The following BRF1 variants were observed in gnomAD, a reference collection of about 807,000 sequenced individuals.
BRF1 encodes the protein BRF1 general transcription factor IIIB subunit.
BRF1 carries 59 observed loss-of-function variants against 81.7 expected under a neutral mutation model. The ratio of observed to expected loss-of-function variants is 0.72; its 90% CI spans 0.59 to 0.90. The LOEUF (loss-of-function observed/expected upper bound fraction) is 0.90, where lower values mean the gene tolerates loss of function less well. Ranked by LOEUF, BRF1 falls within the 40% of genes least tolerant of loss-of-function variation. BRF1 has a pLI of 0.00. For missense variants in BRF1, 1,050 were observed against 936.3 expected, an observed-to-expected ratio of 1.12 and a Z score of -1.58; for synonymous variants, 491 against 395.6, an observed-to-expected ratio of 1.24 and a Z score of -2.86.
upstream of BRF1, among the ~76,000 whole-genome samples, chr14:105,305,433 C>T (rs1422808022): frequency 1.3e-5 from 2 of 151,338 alleles, no homozygotes; most frequent in African/African-American, 2.5e-5. Flanking sequence ...AAAGAAAAAA[C>T]GTGGCTGGAG....
intron 7 of BRF1, chr14:105,227,624 A>C (rs1012566486): frequency 1.3e-5 from 2 of 152,228 alleles, no homozygotes; most frequent in African/African-American, 4.8e-5. Flanking sequence ...GAGAACCCCA[A>C]TCCTAGGCGG....
intron 5 of BRF1, chr14:105,250,765 C>G (rs756492284): frequency 1.6e-5 from 20 of 1,274,776 alleles, no homozygotes; most frequent in Non-Finnish European, 2.1e-5. Context: ...CTGCTCTTAA[C>G]TTTGTCTCTC....
At chr14:105,250,550 C>T (rs1178525807) in intron 5 of BRF1, 3 of 1,613,972 alleles carry the variant, frequency 1.9e-6, no homozygotes, top group East Asian at 2.2e-5. Context: ...CTACTTTGGG[C>T]AGGAGGGGAT....
intron 1 of BRF1, among the ~76,000 whole-genome samples, chr14:105,307,019 G>C (rs1345298343): frequency 6.6e-6 from 1 of 151,920 alleles, no homozygotes. Flanking sequence ...TTGCCTCTGA[G>C]TATGCCTTAT....
intron 8 of BRF1, 76 bp downstream of exon 8, chr14:105,226,558 C>T: frequency 6.3e-7 from 1 of 1,597,924 alleles, no homozygotes; most frequent in African/African-American, 1.3e-5. Context: ...AGCTCTGCTA[C>T]AACCCCAGTC....
At chr14:105,305,168 A>G (rs985470056), upstream of BRF1, among the ~76,000 whole-genome samples, 1 of 152,144 alleles carries the variant, frequency 6.6e-6, no homozygotes, top group Non-Finnish European at 1.5e-5. Context: ...TGGGAGGCTG[A>G]GGAGGGAGGA....
Position 105,210,228 on chromosome 14 carries a change from G to T in BRF1, c.*323C>A. On this transcript the variant is annotated 3_prime_UTR_variant, in exon 18 of 18. Transcript: ENST00000547530. The surrounding 1 kb of genome is among the most constrained non-coding windows in gnomAD (Gnocchi z 4.7). The stretch of plus-strand genomic sequence containing the variant: ...CCAGCAGTGGGGCTGCCCCAAGCCT[G>T]TTTCCTTAATAGTAGCAACACCACA... The T allele has an allele frequency of 2.5e-6, 1 of 396,196 alleles. No homozygotes were observed. Among genetic ancestry groups the T allele is most frequent in the Non-Finnish European group, 4.7e-6 (1 of 212,560 alleles). 24.5% of individuals were successfully genotyped at this position (396,196 alleles called of 1,614,324 possible).
chr14:105,273,185 C>G (rs772139482), intron 2 of BRF1, among the ~76,000 whole-genome samples: 2 of 152,110 alleles, frequency 1.3e-5, no homozygotes, highest in Non-Finnish European at 2.9e-5. Flanking sequence ...CTCTGAGGTG[C>G]GGCGTGTCTG....
chr14:105,259,636 C>CA (rs2056052834), intron 3 of BRF1, among the ~76,000 whole-genome samples: 2 of 152,180 alleles, frequency 1.3e-5, no homozygotes, highest in East Asian at 1.9e-4. Context: ...GTCCACCGGA[C>CA]ACGGGGCTCA....
At chr14:105,282,840 GGA>G (rs1383172018) in intron 2 of BRF1, among the ~76,000 whole-genome samples, 1 of 152,150 alleles carries the variant, frequency 6.6e-6, no homozygotes, top group Non-Finnish European at 1.5e-5. Context: ...GGCTGAGGCA[GGA>G]GAGTAGCTTG....
intron 1 of BRF1, among the ~76,000 whole-genome samples, chr14:105,289,525 T>C (rs587618132): frequency 6.6e-6 from 1 of 152,218 alleles, no homozygotes; most frequent in Admixed American, 6.5e-5. Context: ...TGAGCAGCAC[T>C]GATGAGCCAA....
At chr14:105,249,523 CG>C (rs769158617) in intron 5 of BRF1, 1 of 1,606,122 alleles carries the variant, frequency 6.2e-7, no homozygotes, top group Admixed American at 1.7e-5. Context: ...CCGTTTTAGG[CG>C]GCCTCCGGAG....
chr14:105,279,281 G>A (rs998905628), intron 2 of BRF1, among the ~76,000 whole-genome samples: 7 of 152,174 alleles, frequency 4.6e-5, no homozygotes, highest in Admixed American at 4.6e-4. Context: ...AGCTACAGAC[G>A]TGGGAGGAGG....
At chr14:105,275,774 C>T (rs1218326604) in intron 2 of BRF1, among the ~76,000 whole-genome samples, 6 of 152,254 alleles carry the variant, frequency 3.9e-5, no homozygotes, top group African/African-American at 9.6e-5. Flanking sequence ...CTATCCCCTA[C>T]GGGGATGGTA....
rs113489040 is a variant in BRF1 at position 105,225,879 on chromosome 14, C to G, written c.1048+190G>C. 4.6e-5 allele frequency among the ~76,000 whole-genome samples: 7 copies of G among 152,324 alleles called. 1 individual carries two copies. The highest frequency in any genetic ancestry group is 1.7e-4 in the African/African-American group (7 of 41,576). On this transcript the variant is annotated intron_variant, in intron 10 of 17. Coordinates refer to ENST00000547530, the MANE Select transcript of BRF1 (RefSeq NM_001519.4). ...GCCAGGATGGTCTCCATCTCCTGACCTCGTGATCCGCCTGCCTCAGCCTCC... is the reference window on the plus strand; with the variant it reads ...GCCAGGATGGTCTCCATCTCCTGACGTCGTGATCCGCCTGCCTCAGCCTCC...
chr14:105,277,631 A>G (rs1193436818), intron 2 of BRF1, among the ~76,000 whole-genome samples: 1 of 152,250 alleles, frequency 6.6e-6, no homozygotes, highest in African/African-American at 2.4e-5. Flanking sequence ...CAAACTTTCC[A>G]GCTCCAAAAG....
intron 14 of BRF1, among the ~76,000 whole-genome samples, chr14:105,218,311 C>T (rs1891666012): frequency 6.6e-6 from 1 of 152,178 alleles, no homozygotes; most frequent in Non-Finnish European, 1.5e-5. Flanking sequence ...ACCACCCCTG[C>T]TGCCCCCCGC....
chr14:105,249,805 G>C, intron 5 of BRF1: 1 of 1,613,818 alleles, frequency 6.2e-7, no homozygotes, highest in Non-Finnish European at 8.5e-7. Flanking sequence ...AGAGCCGGCT[G>C]TTTGAGGAGC....
At chr14:105,256,776 C>T (rs2055895548) in intron 3 of BRF1, among the ~76,000 whole-genome samples, 1 of 152,184 alleles carries the variant, frequency 6.6e-6, no homozygotes, top group African/African-American at 2.4e-5. Context: ...CTTCTGTGAA[C>T]CCAGTACCAG....
Sources: allele counts gnomAD v4.1 joint callset (sites outside exome capture counted in the v4.1 genomes callset), GRCh38; gene constraint gnomAD v4.1.1; non-coding constraint Gnocchi (gnomAD v3.1); transcripts MANE v1.5; gene names NCBI Gene and HGNC (gene_info 2026-07-23, HGNC 2026-07-21).